ELOVL7: variants seen among roughly 807,000 people sequenced by gnomAD.
ELOVL7 encodes ELOVL fatty acid elongase 7.
Under a neutral mutation model 35.7 loss-of-function variants are expected in ELOVL7, and 27 were observed. The ratio of observed to expected loss-of-function variants is 0.76; its 90% CI spans 0.56 to 1.04. ELOVL7 has a LOEUF of 1.04. Ranked by LOEUF, ELOVL7 falls within the 50% of genes least tolerant of loss-of-function variation. The pLI, the probability that ELOVL7 is intolerant of heterozygous loss-of-function variation, is 0.00. For missense variants in ELOVL7, 327 were observed against 340.8 expected (o/e 0.96, Z 0.32); for synonymous variants, 113 against 114.6 (o/e 0.99, Z 0.09).
intron 1 of ELOVL7, among the ~76,000 whole-genome samples, chr5:60,829,613 G>A (rs1272674688): frequency 3.3e-5 from 5 of 151,966 alleles, no homozygotes; most frequent in Non-Finnish European, 7.4e-5. Flanking sequence ...AGTGAGTTTC[G>A]ATTGTCACAG....
At chr5:60,820,866 G>A (rs1329147693) in intron 1 of ELOVL7, among the ~76,000 whole-genome samples, 1 of 152,000 alleles carries the variant, frequency 6.6e-6, no homozygotes, top group Non-Finnish European at 1.5e-5. Flanking sequence ...TACTTCCTGA[G>A]CTTTATCATC....
chr5:60,843,145 G>T (rs974878190), intron 1 of ELOVL7, among the ~76,000 whole-genome samples: 1 of 151,972 alleles, frequency 6.6e-6, no homozygotes, highest in Non-Finnish European at 1.5e-5. Flanking sequence ...AGGGGAGATC[G>T]TAGCAAGAGG....
intron 8 of ELOVL7, among the ~76,000 whole-genome samples, chr5:60,755,527 C>T (rs752110712): frequency 6.6e-6 from 1 of 152,074 alleles, no homozygotes; most frequent in Non-Finnish European, 1.5e-5. Context: ...CGCAGTGGTA[C>T]GCGCCTGTAG....
chr5:60,816,934 C>T (rs967292713), intron 1 of ELOVL7, among the ~76,000 whole-genome samples: 2 of 152,098 alleles, frequency 1.3e-5, no homozygotes, highest in Non-Finnish European at 2.9e-5. Flanking sequence ...GAAAATTACA[C>T]AGATCTCTCT....
intron 3 of ELOVL7, among the ~76,000 whole-genome samples, chr5:60,780,692 GGAGA>G (rs1441037586): frequency 2.0e-5 from 3 of 152,170 alleles, no homozygotes; most frequent in African/African-American, 4.8e-5. Context: ...CTGGGCAGCA[GGAGA>G]GAGAATGAGT....
chr5:60,799,121 A>G (rs1468063142), intron 2 of ELOVL7, 59 bp downstream of exon 2: 3 of 152,238 alleles, frequency 2.0e-5, no homozygotes, highest in African/African-American at 4.8e-5. Context: ...TGGTCAAAAA[A>G]GAAATCAAAA....
intron 1 of ELOVL7, among the ~76,000 whole-genome samples, chr5:60,841,949 C>T (rs534312125): frequency 6.6e-6 from 1 of 152,108 alleles, no homozygotes; most frequent in African/African-American, 2.4e-5. Context: ...ATGCAAACTC[C>T]GTAACTTCCT....
chr5:60,754,948 T>C, intron 8 of ELOVL7, 115 bp from the exon 9 acceptor site: 1 of 815,010 alleles, frequency 1.2e-6, no homozygotes, highest in South Asian at 1.8e-5. Flanking sequence ...GGCAAAGAAG[T>C]CCATCTTTAA....
intron 1 of ELOVL7, among the ~76,000 whole-genome samples, chr5:60,812,508 G>T (rs953768780): frequency 6.6e-6 from 1 of 152,150 alleles, no homozygotes; most frequent in African/African-American, 2.4e-5. Flanking sequence ...AAAAGAATAG[G>T]CATATGATAA....
At chr5:60,783,430 C>A (rs986300237) in intron 3 of ELOVL7, among the ~76,000 whole-genome samples, 2 of 152,208 alleles carry the variant, frequency 1.3e-5, no homozygotes, top group African/African-American at 2.4e-5. Flanking sequence ...TTCTGGCCTT[C>A]TCTCTCAGCA....
At chr5:60,842,148 G>C (rs1310496394) in intron 1 of ELOVL7, among the ~76,000 whole-genome samples, 2 of 152,168 alleles carry the variant, frequency 1.3e-5, no homozygotes, top group East Asian at 3.8e-4. Context: ...AGCAGAGAAG[G>C]GCATATGTGT....
chr5:60,764,382 T>C, intron 6 of ELOVL7, 50 bp from the exon 7 acceptor site: 4 of 1,343,108 alleles, frequency 3.0e-6, no homozygotes, highest in Non-Finnish European at 4.2e-6. Context: ...TTTGATAGTG[T>C]ATTGAGTATT....
At chr5:60,782,472 A>G (rs2112220803) in intron 3 of ELOVL7, among the ~76,000 whole-genome samples, 1 of 152,356 alleles carries the variant, frequency 6.6e-6, no homozygotes, top group East Asian at 1.9e-4. Flanking sequence ...AGCATTATTC[A>G]TAATAGCCAA....
At chr5:60,812,403 A>C (rs980898526) in intron 1 of ELOVL7, among the ~76,000 whole-genome samples, 7 of 152,310 alleles carry the variant, frequency 4.6e-5, no homozygotes, top group African/African-American at 1.7e-4. Context: ...GAATAGAAAA[A>C]AATTTAACTG....
chr5:60,769,613 C>G (rs930988615), intron 4 of ELOVL7, among the ~76,000 whole-genome samples: 4 of 152,144 alleles, frequency 2.6e-5, no homozygotes, highest in African/African-American at 7.2e-5. Context: ...TACAATAAAC[C>G]ATGTGTTCGG....
intron 1 of ELOVL7, among the ~76,000 whole-genome samples, chr5:60,843,953 C>A (rs770707943): frequency 6.6e-6 from 1 of 152,244 alleles, no homozygotes; most frequent in African/African-American, 2.4e-5. Flanking sequence ...CAGAACTTCC[C>A]AAGCGCCTCC....
At chr5:60,789,480 G>A (rs1227920323) in intron 2 of ELOVL7, among the ~76,000 whole-genome samples, 2 of 152,162 alleles carry the variant, frequency 1.3e-5, no homozygotes, top group Non-Finnish European at 2.9e-5. Context: ...GTGTTGGCAG[G>A]AGTGTGGGAA....
intron 7 of ELOVL7, among the ~76,000 whole-genome samples, chr5:60,761,071 GT>G: frequency 6.6e-6 from 1 of 152,118 alleles, no homozygotes; most frequent in East Asian, 1.9e-4. Context: ...AATTAATAAT[GT>G]TTTTTGTATC....
intron 2 of ELOVL7, among the ~76,000 whole-genome samples, chr5:60,798,786 A>G (rs1350501979): frequency 6.6e-6 from 1 of 152,224 alleles, no homozygotes; most frequent in African/African-American, 2.4e-5. Flanking sequence ...TACTTTCAAC[A>G]TTGCATAAAT....
Sources: allele counts gnomAD v4.1 joint callset (sites outside exome capture counted in the v4.1 genomes callset), GRCh38; gene constraint gnomAD v4.1.1; transcripts MANE v1.5; gene names NCBI Gene and HGNC (gene_info 2026-07-23, HGNC 2026-07-21).